The following MTMR10 variants were observed in gnomAD, a reference collection of about 807,000 sequenced individuals.
MTMR10 encodes myotubularin-related protein 10.
MTMR10 carries 56 observed loss-of-function variants against 88.1 expected under a neutral mutation model. The ratio of observed to expected loss-of-function variants is 0.64; its 90% CI spans 0.51 to 0.79. The LOEUF is 0.79. MTMR10 is among the 30% of genes least tolerant of loss of function. The pLI is 0.00. For synonymous variants in MTMR10, 380 were observed against 340.9 expected (o/e 1.11, Z -1.26); for missense variants, 883 against 924.7 (o/e 0.95, Z 0.58).
intron 15 of MTMR10, chr15:30,942,652 G>C (rs767297940): frequency 4.2e-6 from 2 of 479,356 alleles, no homozygotes; most frequent in Non-Finnish European, 3.6e-6. Flanking sequence ...TAGTAAATCA[G>C]GCTTGCAGGC....
chr15:30,921,544 A>G, the MTMR10 span, among the ~76,000 whole-genome samples: 13 of 152,336 alleles, frequency 8.5e-5, no homozygotes, highest in East Asian at 1.9e-3. Flanking sequence ...AGAAAAGAAA[A>G]TGGGATCTTA....
intron 2 of MTMR10, among the ~76,000 whole-genome samples, chr15:30,989,774 A>ACG (rs2031187156): frequency 6.6e-6 from 1 of 151,446 alleles, no homozygotes; most frequent in Non-Finnish European, 1.5e-5. Flanking sequence ...TTTAGTAGAG[A>ACG]TGGGGTTTCA....
intron 7 of MTMR10, 71 bp from the exon 8 acceptor site, chr15:30,959,192 T>G: frequency 7.5e-7 from 1 of 1,334,676 alleles, no homozygotes; most frequent in Middle Eastern, 1.9e-4. Flanking sequence ...GCAGACCCTA[T>G]AAATAATTAA....
intron 5 of MTMR10, 32 bp downstream of exon 5, chr15:30,974,282 A>G (rs751607240): frequency 2.0e-6 from 3 of 1,534,760 alleles, no homozygotes. Flanking sequence ...ACAGTACAGA[A>G]CCCAGAACTT....
chr15:30,990,954 T>TAA (rs1201857882), intron 1 of MTMR10, 117 bp from the exon 2 acceptor site: 5 of 821,946 alleles, frequency 6.1e-6, no homozygotes, highest in Non-Finnish European at 9.5e-6. Context: ...GCCCCCCATT[T>TAA]AAATTCTTTC....
chr15:30,922,949 A>C, the MTMR10 span, among the ~76,000 whole-genome samples: 1 of 152,212 alleles, frequency 6.6e-6, no homozygotes, highest in Non-Finnish European at 1.5e-5. Flanking sequence ...CAGGCGGGTG[A>C]GGCCGCAGAG....
chr15:30,988,740 G>A (rs1015299631), intron 2 of MTMR10, among the ~76,000 whole-genome samples: 1 of 152,150 alleles, frequency 6.6e-6, no homozygotes, highest in Non-Finnish European at 1.5e-5. Flanking sequence ...TGTAATCCCA[G>A]CACTTTGGGA....
chr15:30,941,098 G>C lies in MTMR10; in HGVS notation c.*372C>G. 1 of 1,226,502 alleles carries C rather than the reference G, an allele frequency of 8.2e-7. No homozygotes were observed. The highest frequency in any genetic ancestry group is 1.0e-6 in the Non-Finnish European group (1 of 962,052). The allele number at this position is 1,226,502 out of a possible 1,614,324, so 76.0% of individuals were successfully genotyped here. On this transcript the variant is annotated 3_prime_UTR_variant, in exon 16 of 16. Coordinates refer to ENST00000435680, the MANE Select transcript of MTMR10 (RefSeq NM_017762.3). ...TATCAGATGCTCCTAAAAATGACAC[G>C]AAACACAAATTTCCTAACTTTCCTG...
chr15:30,976,726 T>C, intron 3 of MTMR10, 93 bp downstream of exon 3: 2 of 1,373,294 alleles, frequency 1.5e-6, no homozygotes, highest in Non-Finnish European at 2.0e-6. Context: ...ATACTTCTAC[T>C]ATAACTTTTC....
chr15:30,928,194 C>T, the MTMR10 span: 3 of 1,026,958 alleles, frequency 2.9e-6, no homozygotes, highest in Non-Finnish European at 3.5e-6. Flanking sequence ...CAGCCCAGCC[C>T]TGCTAAGTCC....
At chr15:30,974,567 C>G in intron 4 of MTMR10, 111 bp from the exon 5 acceptor site, 1 of 1,030,570 alleles carries the variant, frequency 9.7e-7, no homozygotes, top group Non-Finnish European at 1.3e-6. Context: ...AACATTTGAG[C>G]TCTGCTTGTC....
chr15:30,941,684 C>G lies in MTMR10; in HGVS notation c.2120G>C (p.Cys707Ser), dbSNP rs2063059588. The G allele has an allele frequency of 6.2e-7, 1 of 1,613,650 alleles. No homozygotes were observed. Among genetic ancestry groups the G allele is most frequent in the African/African-American group, 1.3e-5 (1 of 75,050 alleles). The change falls in exon 16 of 16, where the codon TGC (cysteine) becomes TCC (serine). Residue 707 changes from cysteine to serine, a missense_variant. Cys to Ser is a moderately radical substitution (Grantham distance 112). Coordinates refer to ENST00000435680, the MANE Select transcript of MTMR10 (RefSeq NM_017762.3). ...RQQRSGPLEA[C>S]YGELGQSRMY... is the part of the protein sequence containing the mutation. Reference sequence around the variant, plus strand: ...CCTGCTCTGGCCCAGCTCCCCATAGCAGGCCTCCAGGGGGCCACTGCGCTG... The same window carrying G: ...CCTGCTCTGGCCCAGCTCCCCATAGGAGGCCTCCAGGGGGCCACTGCGCTG...
chr15:30,968,443 A>T (rs1021281795), intron 5 of MTMR10, among the ~76,000 whole-genome samples: 1 of 152,100 alleles, frequency 6.6e-6, no homozygotes, highest in African/African-American at 2.4e-5. Context: ...GGATTTAAAC[A>T]TCTAAATAGA....
At chr15:30,951,355 G>C (rs2063243072) in intron 12 of MTMR10, among the ~76,000 whole-genome samples, 1 of 152,152 alleles carries the variant, frequency 6.6e-6, no homozygotes, top group Non-Finnish European at 1.5e-5. Flanking sequence ...CAAAATTACA[G>C]AGAGAGAATG....
chr15:30,991,363 G>A, intron 1 of MTMR10, 84 bp downstream of exon 1: 1 of 1,306,648 alleles, frequency 7.7e-7, no homozygotes, highest in Non-Finnish European at 1.0e-6. Context: ...AGCCTCCTGG[G>A]GTCCTCCAGT....
rs2062960283 is a variant in MTMR10, at chr15:30,939,337, G to C, written c.*2133C>G. 2 of 985,324 alleles carry C rather than the reference G, an allele frequency of 2.0e-6. No individual in the cohort carries two copies. The highest frequency in any genetic ancestry group is 3.5e-5 in the African/African-American group (2 of 57,236). 61.0% of individuals were successfully genotyped at this position (985,324 alleles called of 1,614,324 possible). On this transcript the variant is annotated 3_prime_UTR_variant, in exon 16 of 16. Coordinates refer to ENST00000435680, the MANE Select transcript of MTMR10 (RefSeq NM_017762.3). ...CATTCCCTCAGCACGGGCTCTGCTG[G>C]CGGGCAGCAGGGGTGCTGAGCTCTC...
rs759807321 is a variant in MTMR10, at chr15:30,942,868, C to T, written c.1731+22G>A. ...TTTGGTTACGTGTGAGCCAACATCA[C>T]GTTTTGTTAGCTGTGATTTACCTTT... On this transcript the variant is annotated intron_variant, in intron 15 of 15. Transcript: ENST00000435680. 102 of 1,545,790 alleles carry T rather than the reference C, an allele frequency of 6.6e-5. No homozygotes were observed. The South Asian group carries it at 1.2e-3, about 18-fold the overall frequency.
intron 11 of MTMR10, among the ~76,000 whole-genome samples, chr15:30,952,962 G>T (rs2063271130): frequency 6.6e-6 from 1 of 152,090 alleles, no homozygotes; most frequent in African/African-American, 2.4e-5. Context: ...GCTAATTTTT[G>T]TATTTTTAGC....
At chr15:30,957,303 A>G (rs573652363) in intron 9 of MTMR10, among the ~76,000 whole-genome samples, 1 of 152,344 alleles carries the variant, frequency 6.6e-6, no homozygotes, top group Admixed American at 6.5e-5. Context: ...ACACACATAT[A>G]TAATTAAAAA....
Sources: allele counts gnomAD v4.1 joint callset (sites outside exome capture counted in the v4.1 genomes callset), GRCh38; gene constraint gnomAD v4.1.1; transcripts MANE v1.5; gene names NCBI Gene and HGNC (gene_info 2026-07-23, HGNC 2026-07-21).